The following SELENOF variants were observed in gnomAD, a reference collection of about 807,000 sequenced individuals.
SELENOF encodes 15 kDa selenoprotein.
A neutral mutation model predicts 20.5 loss-of-function variants in SELENOF; 16 were observed. The observed-to-expected ratio is 0.78, with a 90% CI of 0.53 to 1.19. The LOEUF (loss-of-function observed/expected upper bound fraction) is 1.19, where lower values mean the gene tolerates loss of function less well. Ranked by LOEUF, SELENOF falls within the 50% of genes most tolerant of loss-of-function variation. SELENOF has a pLI of 0.00. For synonymous variants in SELENOF, 78 were observed against 74.5 expected (o/e 1.05, Z -0.24); for missense variants, 215 against 194.2 (o/e 1.11, Z -0.64).
chr1:86,867,490 TCAACAACAACAACAA>T (rs71082044), intron 4 of SELENOF, among the ~76,000 whole-genome samples: 4 of 147,700 alleles, frequency 2.7e-5, no homozygotes, highest in Non-Finnish European at 3.0e-5. Flanking sequence ...AGACTCCGTC[TCAACAACAACAACAA>T]CAACAACAAC....
At chr1:86,893,939 A>C (rs1426828593) in intron 2 of SELENOF, among the ~76,000 whole-genome samples, 1 of 152,220 alleles carries the variant, frequency 6.6e-6, no homozygotes, top group African/African-American at 2.4e-5. Flanking sequence ...ATTCAATTCT[A>C]GTATAATAAG....
chr1:86,887,330 A>G, intron 2 of SELENOF: 2 of 1,051,508 alleles, frequency 1.9e-6, no homozygotes, highest in Non-Finnish European at 1.3e-6. Context: ...CTGAAAAAAT[A>G]CAAAGCAATG....
intron 4 of SELENOF, among the ~76,000 whole-genome samples, chr1:86,867,806 T>C (rs1401224176): frequency 1.3e-5 from 1 of 78,410 alleles, no homozygotes; most frequent in South Asian, 5.0e-4. Context: ...AGGGTGGGGG[T>C]GGGGGCCAGG....
At chr1:86,898,269 T>C (rs531443726) in intron 2 of SELENOF, among the ~76,000 whole-genome samples, 3 of 152,304 alleles carry the variant, frequency 2.0e-5, no homozygotes, top group East Asian at 3.9e-4. Context: ...AGGTCTTTTA[T>C]GATCAAAACT....
At chr1:86,865,829 G>A (rs1052794018) in intron 4 of SELENOF, among the ~76,000 whole-genome samples, 3 of 152,104 alleles carry the variant, frequency 2.0e-5, no homozygotes, top group Admixed American at 2.0e-4. Flanking sequence ...ACACCCAAAT[G>A]TCATAAAAGC....
intron 2 of SELENOF, among the ~76,000 whole-genome samples, chr1:86,891,943 T>C (rs2102105966): frequency 6.6e-6 from 1 of 152,148 alleles, no homozygotes. Context: ...TTTTTTTTTT[T>C]TTCTAGAGAT....
At chr1:86,914,151 T>G (rs1486502539), upstream of SELENOF, 2 of 1,589,074 alleles carry the variant, frequency 1.3e-6, no homozygotes, top group African/African-American at 2.7e-5. Flanking sequence ...ACCCCTAAGC[T>G]AGGGGCGTCC....
In SELENOF at chr1:86,880,659, T is replaced by C. The variant is rs1192422481; in HGVS notation, c.316+3A>G. On this transcript the variant is annotated splice_donor_region_variant and intron_variant, in intron 3 of 4. Coordinates refer to ENST00000331835, the MANE Select transcript of SELENOF (RefSeq NM_004261.5). ...ACAGTTTACTGGAGTAAATTTTATA[T>C]ACCTTGGACTTGAGGGAACCTTCCC... is the stretch of plus-strand genomic sequence containing the variant. 4 of 1,557,458 alleles carry C rather than the reference T, an allele frequency of 2.6e-6. No individual in the cohort carries two copies. The highest frequency in any genetic ancestry group is 3.6e-5 in the Admixed American group (2 of 55,854).
At chr1:86,899,815 C>A (rs1469105338) in intron 2 of SELENOF, among the ~76,000 whole-genome samples, 11 of 149,756 alleles carry the variant, frequency 7.3e-5, no homozygotes, top group Non-Finnish European at 7.4e-5. Context: ...GGCGGAGGGG[C>A]TCCTCACTTC....
intron 3 of SELENOF, among the ~76,000 whole-genome samples, chr1:86,870,375 A>C (rs1280418379): frequency 1.3e-5 from 2 of 152,170 alleles, no homozygotes; most frequent in Admixed American, 1.3e-4. Flanking sequence ...GGATTTTTCC[A>C]GATATTCTGC....
At chr1:86,879,925 T>C (rs999057086) in intron 3 of SELENOF, among the ~76,000 whole-genome samples, 2 of 152,206 alleles carry the variant, frequency 1.3e-5, no homozygotes, top group Non-Finnish European at 2.9e-5. Context: ...AATTACTTCT[T>C]TCCTTGGTGA....
At chr1:86,900,625 GGGGAGAGGGAGACCGTGGGGAAA>G (rs1659675796) in intron 2 of SELENOF, among the ~76,000 whole-genome samples, 1 of 151,434 alleles carries the variant, frequency 6.6e-6, no homozygotes, top group Non-Finnish European at 1.5e-5. Context: ...CCGTGGGGAG[GGGGAGAGGGAGACCGTGGGGAAA>G]GGGAGAGGGA....
At chr1:86,905,561 G>A (rs928242052) in intron 1 of SELENOF, among the ~76,000 whole-genome samples, 7 of 152,136 alleles carry the variant, frequency 4.6e-5, no homozygotes, top group Non-Finnish European at 8.8e-5. Context: ...TCGTGACACT[G>A]TACTATGTAA....
intron 2 of SELENOF, among the ~76,000 whole-genome samples, chr1:86,884,550 T>C (rs1452888411): frequency 6.6e-6 from 1 of 152,160 alleles, no homozygotes; most frequent in Non-Finnish European, 1.5e-5. Context: ...TCACACACAA[T>C]GAAATATATG....
rs533528772 is a variant in SELENOF, at chr1:86,875,448, C to T, written c.316+5214G>A. 4.6e-5 allele frequency among the ~76,000 whole-genome samples: 7 copies of T among 152,110 alleles called. No homozygotes were observed. The South Asian group carries it at 8.3e-4, about 18-fold the overall frequency. On this transcript the variant is annotated intron_variant, in intron 3 of 4. Transcript: ENST00000331835. The stretch of plus-strand genomic sequence containing the variant: ...GGAAAAGATGAGAACTTTTTATAAA[C>T]GTTTGAATCCTGTAAATTCATCAAG...
intron 2 of SELENOF, among the ~76,000 whole-genome samples, chr1:86,880,991 G>T (rs1030932861): frequency 6.6e-6 from 1 of 152,098 alleles, no homozygotes; most frequent in African/African-American, 2.4e-5. Flanking sequence ...GAGATAAGGA[G>T]ATTTGACAAT....
intron 4 of SELENOF, 63 bp downstream of exon 4, chr1:86,867,985 ATTTAC>A (rs1407821987): frequency 3.1e-6 from 2 of 638,088 alleles, no homozygotes; most frequent in East Asian, 6.5e-5. Flanking sequence ...TTATTCAAAT[ATTTAC>A]TTTAATTATA....
intron 2 of SELENOF, among the ~76,000 whole-genome samples, chr1:86,882,393 C>T (rs766073019): frequency 2.1e-4 from 32 of 149,082 alleles, no homozygotes; most frequent in Non-Finnish European, 4.0e-4. Context: ...GCCATATTAC[C>T]AATAAGCTAA....
At chr1:86,907,736 T>C (rs524515) in intron 1 of SELENOF, among the ~76,000 whole-genome samples, 45,357 of 151,962 alleles carry the variant, frequency 0.3, 8,841 homozygotes, top group African/African-American at 0.56. Context: ...ATAATCTCAG[T>C]GCTTTGGTAG....
Sources: gnomAD v4.1 joint callset for allele counts (sites outside exome capture counted in the v4.1 genomes callset) on GRCh38, gnomAD v4.1.1 for gene constraint, MANE v1.5 for transcripts, NCBI Gene and HGNC (gene_info 2026-07-23, HGNC 2026-07-21) for gene names.